CHD7: variants seen among roughly 807,000 people sequenced by gnomAD.
CHD7 encodes the protein ATP-dependent chromatin remodeler CHD7.
Under a neutral mutation model 307.3 loss-of-function variants are expected in CHD7, and 24 were observed. The observed-to-expected ratio is 0.08, with a 90% confidence interval of 0.06 to 0.11. The LOEUF (loss-of-function observed/expected upper bound fraction) is 0.11. Among genes scored for constraint, CHD7 ranks in the 10% least tolerant of loss-of-function variants. The pLI is 1.00. For missense variants in CHD7, 3,106 were observed against 3,727.1 expected, an observed-to-expected ratio of 0.83 and a Z score of 4.34; for synonymous variants, 1,363 against 1,349.9, an observed-to-expected ratio of 1.01 and a Z score of -0.21.
At chr8:60,836,721 T>C (rs1482490427) in intron 16 of CHD7, 96 bp from the exon 17 acceptor site, 1 of 855,168 alleles carries the variant, frequency 1.2e-6, no homozygotes, top group African/African-American at 1.8e-5. Context: ...GTCTTTTTAA[T>C]ATATATTCCA....
chr8:60,812,904 C>T lies in CHD7; in HGVS notation c.2499-3483C>T, dbSNP rs115608432. Among the ~76,000 whole-genome samples, 1,175 of 151,792 alleles carry T rather than the reference C, an allele frequency of 7.7e-3. 19 individuals are homozygous for T. Among genetic ancestry groups the T allele is most frequent in the African/African-American group, 0.026 (1,077 of 41,424 alleles). On this transcript the variant is annotated intron_variant, in intron 7 of 37. Coordinates refer to ENST00000423902, the MANE Select transcript of CHD7 (RefSeq NM_017780.4). ...GTAGCTTTTCTGTTTTATTGTTTTC[C>T]GGGATATTCTTGCATGTTTATTTTT...
intron 7 of CHD7, among the ~76,000 whole-genome samples, chr8:60,815,231 A>G (rs1285478777): frequency 6.6e-6 from 1 of 152,212 alleles, no homozygotes; most frequent in Non-Finnish European, 1.5e-5. Context: ...TTAATATCAT[A>G]AGCATTTCCT....
intron 35 of CHD7, 24 bp from the exon 36 acceptor site, chr8:60,862,172 C>G (rs780067858): frequency 1.3e-6 from 2 of 1,582,308 alleles, no homozygotes; most frequent in Admixed American, 3.6e-5. Flanking sequence ...ACCAATTTTA[C>G]TAAATATGTT....
intron 37 of CHD7, chr8:60,862,865 T>C (rs1806068458): frequency 1.8e-6 from 1 of 551,836 alleles, no homozygotes; most frequent in Admixed American, 3.2e-5. Flanking sequence ...AAAAGGTTTG[T>C]ATGGAAACAT....
At chr8:60,692,639 G>A (rs544172258) in intron 1 of CHD7, among the ~76,000 whole-genome samples, 2 of 152,288 alleles carry the variant, frequency 1.3e-5, no homozygotes, top group East Asian at 3.9e-4. Context: ...AGCACATAAG[G>A]CAGCTTTTTT....
intron 7 of CHD7, among the ~76,000 whole-genome samples, chr8:60,816,153 C>G (rs1272024253): frequency 1.4e-5 from 2 of 145,590 alleles, no homozygotes; most frequent in Non-Finnish European, 3.1e-5. Flanking sequence ...CTCTCTCTCT[C>G]TGTAACAGGT....
chr8:60,850,519 G>A lies in CHD7; in HGVS notation c.5431G>A (p.Ala1811Thr), dbSNP rs777085100. 6.2e-7 allele frequency: 1 copy of A among 1,613,544 alleles called. No homozygotes were observed. Among genetic ancestry groups the A allele is most frequent in the Admixed American group, 1.7e-5 (1 of 59,990 alleles). The change falls in exon 26 of 38, where the codon GCT (alanine) becomes ACT (threonine). Residue 1811 changes from alanine to threonine, a missense_variant. Physicochemically the swap from Ala to Thr is moderately conservative, Grantham distance 58. Coordinates refer to ENST00000423902, the MANE Select transcript of CHD7 (RefSeq NM_017780.4). ...CTATGAGAAGTACAACTCCATGCGAGCTGACCCCGCGCTGTGCTTTCTGGA... is the reference window on the plus strand; with the variant it reads ...CTATGAGAAGTACAACTCCATGCGAACTGACCCCGCGCTGTGCTTTCTGGA... ...HGYEKYNSMRADPALCFLERV... is the reference protein window; with the variant it reads ...HGYEKYNSMRTDPALCFLERV...
intron 11 of CHD7, among the ~76,000 whole-genome samples, 160 bp downstream of exon 11, chr8:60,822,305 C>T (rs1162493216): frequency 6.6e-6 from 1 of 151,788 alleles, no homozygotes; most frequent in Non-Finnish European, 1.5e-5. Context: ...AATATTAATA[C>T]AGAGATTGAT....
intron 2 of CHD7, among the ~76,000 whole-genome samples, chr8:60,753,844 C>G (rs190369005): frequency 6.6e-6 from 1 of 151,926 alleles, no homozygotes; most frequent in East Asian, 1.9e-4. Context: ...AGGCTGGTCT[C>G]GAACTCCTTT....
At chr8:60,750,516 G>A (rs180821475) in intron 2 of CHD7, among the ~76,000 whole-genome samples, 4 of 152,252 alleles carry the variant, frequency 2.6e-5, no homozygotes, top group East Asian at 1.9e-4. Flanking sequence ...CAAATACAAC[G>A]CATTTATGTT....
intron 3 of CHD7, among the ~76,000 whole-genome samples, chr8:60,785,913 T>TG (rs957142494): frequency 1.3e-5 from 2 of 152,192 alleles, no homozygotes; most frequent in African/African-American, 4.8e-5. Context: ...ATTGGACATT[T>TG]GAAAAGACAG....
At chr8:60,733,812 T>C (rs1229147854) in intron 1 of CHD7, among the ~76,000 whole-genome samples, 1 of 152,040 alleles carries the variant, frequency 6.6e-6, no homozygotes, top group African/African-American at 2.4e-5. Flanking sequence ...ACTCAGAATA[T>C]CCAGAGTCTT....
At chr8:60,849,184 C>A in intron 25 of CHD7, 30 bp downstream of exon 25, 3 of 1,357,150 alleles carry the variant, frequency 2.2e-6, no homozygotes, top group Non-Finnish European at 3.2e-6. Flanking sequence ...GAATACATCT[C>A]AACTGTATGG....
chr8:60,838,067 C>T lies in CHD7; in HGVS notation c.4354-9C>T, dbSNP rs1332362948. ...TATTTTGAGTATTTTAAATATTTCTCTAAAACAGGTACAACAGCTTTCCAA... is the reference window on the plus strand; with the variant it reads ...TATTTTGAGTATTTTAAATATTTCTTTAAAACAGGTACAACAGCTTTCCAA... On this transcript the variant is annotated splice_polypyrimidine_tract_variant and intron_variant, in intron 18 of 37. Transcript: ENST00000423902. 2.0e-6 allele frequency: 3 copies of T among 1,477,448 alleles called. No homozygotes were observed. The highest frequency in any genetic ancestry group is 2.5e-5 in the East Asian group (1 of 40,136). 91.5% of individuals were successfully genotyped at this position (1,477,448 alleles called of 1,614,324 possible).
chr8:60,712,734 T>A (rs566060156), intron 1 of CHD7, among the ~76,000 whole-genome samples: 1 of 152,064 alleles, frequency 6.6e-6, no homozygotes, highest in South Asian at 2.1e-4. Context: ...CTGGCCAACA[T>A]GGTGAAACCC....
chr8:60,758,727 C>G (rs530594091), intron 2 of CHD7, among the ~76,000 whole-genome samples: 1 of 152,252 alleles, frequency 6.6e-6, no homozygotes, highest in African/African-American at 2.4e-5. Context: ...CCATTCAACT[C>G]ACAACTCTAG....
At chr8:60,702,832 C>T (rs746188280) in intron 1 of CHD7, among the ~76,000 whole-genome samples, 14 of 152,198 alleles carry the variant, frequency 9.2e-5, no homozygotes, top group Non-Finnish European at 2.1e-4. Context: ...TGGACTCACC[C>T]CTGCATCTCT....
In CHD7 at chr8:60,852,983, T is replaced by A; in HGVS notation, c.6258T>A (p.Asp2086Glu). ...TTAAGCTCTGCCAGCCAAGCTTGGA[T>A]CTGCCAGAGTGGTGGGAGTGTGGAC... ...ERLKLCQPSL[D>E]LPEWWECGRH... The change falls in exon 31 of 38, where the codon GAT (aspartate) becomes GAA (glutamate). Residue 2086 changes from aspartate (D) to glutamate (E), a missense_variant. Asp to Glu is a conservative substitution (Grantham distance 45). Transcript: ENST00000423902. 6.2e-7 allele frequency: 1 copy of A among 1,613,976 alleles called. No individual in the cohort carries two copies. Among genetic ancestry groups the A allele is most frequent in the Non-Finnish European group, 8.5e-7 (1 of 1,179,882 alleles).
At chr8:60,690,354 T>C (rs1806134364) in intron 1 of CHD7, among the ~76,000 whole-genome samples, 1 of 152,236 alleles carries the variant, frequency 6.6e-6, no homozygotes, top group South Asian at 2.1e-4. Flanking sequence ...CTACTTAAAA[T>C]GTAAATTTTG....
Sources: gnomAD v4.1 joint callset for allele counts (sites outside exome capture counted in the v4.1 genomes callset) on GRCh38, gnomAD v4.1.1 for gene constraint, MANE v1.5 for transcripts, NCBI Gene and HGNC (gene_info 2026-07-23, HGNC 2026-07-21) for gene names.